The following DSP variants were observed in gnomAD, a reference collection of about 807,000 sequenced individuals.
DSP encodes desmoplakin.
Under a neutral mutation model 290.6 loss-of-function variants are expected in DSP, and 114 were observed. The observed-to-expected ratio is 0.39, with a 90% confidence interval of 0.34 to 0.46. The LOEUF (loss-of-function observed/expected upper bound fraction) is 0.46. Ranked by LOEUF, DSP falls within the 20% of genes least tolerant of loss-of-function variation. DSP has a pLI of 0.99. For missense variants in DSP, 3,230 were observed against 3,495.8 expected (o/e 0.92, Z 1.92); for synonymous variants, 1,311 against 1,316.4 (o/e 1.00, Z 0.09).
chr6:7,559,004 G>A (rs1348780719), intron 3 of DSP, among the ~76,000 whole-genome samples: 1 of 152,068 alleles, frequency 6.6e-6, no homozygotes, highest in Non-Finnish European at 1.5e-5. Flanking sequence ...AGGCAGTGAC[G>A]CTTTCTATGC....
chr6:7,567,587 T>C (rs1352168189), intron 9 of DSP, 138 bp downstream of exon 9: 6 of 1,141,472 alleles, frequency 5.3e-6, no homozygotes, highest in Non-Finnish European at 7.7e-6. Context: ...CAGAGTAGCA[T>C]AGATTTGCAA....
intron 4 of DSP, among the ~76,000 whole-genome samples, chr6:7,562,003 T>C (rs796672734): frequency 6.2e-4 from 95 of 152,332 alleles, no homozygotes; most frequent in African/African-American, 2.0e-3. Context: ...ATTTAATTTT[T>C]TAAAAAAGGT....
chr6:7,580,861 G>A lies in DSP; in HGVS notation c.4671G>A (p.Thr1557=), dbSNP rs367767551. 29 of 1,614,154 alleles carry A rather than the reference G, an allele frequency of 1.8e-5. 1 individual carries two copies. The East Asian group carries it at 4.5e-4, about 25-fold the overall frequency. ...GGACTGTGAAGGACCAGGATATCAC[G>A]CGGTTCCAGAACTCTCTGAAAGAGC... ...QERTVKDQDI[T]RFQNSLKELQ... is the part of the protein sequence containing the mutation. Residue 1557 remains threonine (T), a synonymous_variant, in exon 23 of 24, where the codon ACG becomes ACA. Transcript: ENST00000379802. This position sits in a 1 kb window ranked among gnomAD's most constrained non-coding sequence, Gnocchi z 4.2.
intron 1 of DSP, 72 bp from the exon 2 acceptor site, chr6:7,555,646 T>C (rs2113653618): frequency 1.4e-6 from 2 of 1,460,704 alleles, no homozygotes; most frequent in Non-Finnish European, 1.9e-6. Context: ...TTGCAACTTT[T>C]GCAAGTTTGA....
chr6:7,572,596 G>A (rs951051865), intron 15 of DSP, among the ~76,000 whole-genome samples: 2 of 152,214 alleles, frequency 1.3e-5, no homozygotes, highest in African/African-American at 2.4e-5. Flanking sequence ...GAAAGAAATA[G>A]AAGGTCAACT....
chr6:7,544,016 A>C (rs1203838774), intron 1 of DSP, among the ~76,000 whole-genome samples: 1 of 152,120 alleles, frequency 6.6e-6, no homozygotes, highest in South Asian at 2.1e-4. Context: ...CAAGTCTCAC[A>C]TCTCTCTGGG....
At chr6:7,577,640 TTGGCCACTAG>T (rs1260956576) in intron 20 of DSP, 129 bp from the exon 21 acceptor site, 2 of 775,360 alleles carry the variant, frequency 2.6e-6, no homozygotes, top group Non-Finnish European at 4.6e-6. Flanking sequence ...TATTAGTTGC[TTGGCCACTAG>T]TGGCGCAAAG....
chr6:7,576,167 A>AT (rs1759234085), intron 18 of DSP, 127 bp from the exon 19 acceptor site: 3 of 1,077,204 alleles, frequency 2.8e-6, no homozygotes, highest in South Asian at 3.1e-5. Flanking sequence ...ACATTCATGT[A>AT]TAAGTTTTTA....
At position 7,578,497 on chromosome 6, in the gene DSP, C is replaced by T. The variant is rs1018173692; in HGVS notation, c.3019C>T (p.Leu1007Phe). The change falls in exon 22 of 24, where the codon CTT becomes TTT. Residue 1007 changes from leucine to phenylalanine, a missense_variant. Around this residue, in one of 5 missense-constraint regions of DSP, gnomAD observed 1,714 missense variants for 1,844.5 expected, o/e 0.93. Coordinates refer to ENST00000379802, the MANE Select transcript of DSP (RefSeq NM_004415.4). ...TGTTCATGCTCGGTACATTGAACTA[C>T]TTACAAGATCTGGAGACTATTACAG... ...ADVHARYIELLTRSGDYYRFL... is the reference protein window; with the variant it reads ...ADVHARYIELFTRSGDYYRFL... 6.2e-7 allele frequency: 1 copy of T among 1,613,734 alleles called. No homozygotes were observed. The highest frequency in any genetic ancestry group is 8.5e-7 in the Non-Finnish European group (1 of 1,179,880).
In DSP at chr6:7,582,943, G is replaced by A; in HGVS notation, c.5681G>A (p.Ser1894Asn). Residue 1894 changes from serine (S) to asparagine (N), a missense_variant, in exon 24 of 24, where the codon AGT (serine) becomes AAT (asparagine). By Grantham distance (46) the Ser-to-Asn change is conservative. This residue lies in a region of DSP where 1,714 missense variants were observed against 1,844.5 expected (regional missense o/e 0.93). Transcript: ENST00000379802. The surrounding 1 kb of genome is among the most constrained non-coding windows in gnomAD (Gnocchi z 4.2). ...GAAAAGAGTGAGAGAGAGAAGAACA[G>A]TCTTAGGAGTGAGATCGAAAGACTC... ...EREKSEREKN[S>N]LRSEIERLQA... 6.2e-7 allele frequency: 1 copy of A among 1,614,076 alleles called. No individual in the cohort carries two copies.
chr6:7,555,988 T>C lies in DSP; in HGVS notation c.273+168T>C, dbSNP rs973522124. Reference sequence around the variant, plus strand: ...GAGAGATGTGTGTCTTCTTAACCTATTTGTAATGTTGGTTTAACAATGAGA... The same window carrying C: ...GAGAGATGTGTGTCTTCTTAACCTACTTGTAATGTTGGTTTAACAATGAGA... On this transcript the variant is annotated intron_variant, in intron 2 of 23. Transcript: ENST00000379802. Among the ~76,000 whole-genome samples, 6 of 152,242 alleles carry C rather than the reference T, an allele frequency of 3.9e-5. No individual in the cohort carries two copies. The East Asian group carries it at 7.7e-4, about 20-fold the overall frequency.
chr6:7,547,739 T>C (rs2113640685), intron 1 of DSP, among the ~76,000 whole-genome samples: 1 of 152,256 alleles, frequency 6.6e-6, no homozygotes, highest in East Asian at 1.9e-4. Flanking sequence ...ACCTGGCCTT[T>C]GAATTTTCTT....
chr6:7,562,850 A>C, intron 5 of DSP, 70 bp downstream of exon 5: 1 of 1,601,984 alleles, frequency 6.2e-7, no homozygotes, highest in Non-Finnish European at 8.5e-7. Flanking sequence ...ACTCAATCCC[A>C]GGGAGTTTCT....
rs36122115 is a variant in DSP, at chr6:7,558,539, G to A, written c.422+275G>A. On this transcript the variant is annotated intron_variant, in intron 3 of 23. Coordinates refer to ENST00000379802, the MANE Select transcript of DSP (RefSeq NM_004415.4). ...TTTTTTTTTTTTTTTTTTTGAGACA[G>A]GGTCTCGCTCTGTCACCCAGGCTGG... Among the ~76,000 whole-genome samples, 15,673 of 137,808 alleles carry A rather than the reference G, an allele frequency of 0.11. 1,102 individuals carry two copies. The highest frequency in any genetic ancestry group is 0.16 in the Non-Finnish European group (10,161 of 65,276). The allele number at this position is 137,808 out of a possible 152,430, so 90.4% of individuals were successfully genotyped here. A position where few individuals can be genotyped will look rare whatever the true frequency, so the allele number is the denominator to read the frequency against.
Position 7,562,749 on chromosome 6 carries a change from G to T in DSP, c.695G>T (p.Arg232Leu). 6.2e-7 allele frequency: 1 copy of T among 1,614,090 alleles called. No homozygotes were observed. Among genetic ancestry groups the T allele is most frequent in the Non-Finnish European group, 8.5e-7 (1 of 1,179,984 alleles). ...RGIHNSIGDYRWQLDKIKADL... is the reference protein window; with the variant it reads ...RGIHNSIGDYLWQLDKIKADL... ...ATCCACAACTCCATCGGCGACTATC[G>T]CTGGCAGCTGGACAAAATCAAAGCC... Residue 232 changes from arginine to leucine, a missense_variant, in exon 5 of 24, where the codon CGC (arginine) becomes CTC (leucine). Transcript: ENST00000379802.
intron 2 of DSP, 79 bp from the exon 3 acceptor site, chr6:7,558,037 G>A (rs967526720): frequency 1.9e-5 from 30 of 1,540,798 alleles, no homozygotes; most frequent in Non-Finnish European, 2.6e-5. Context: ...TACAGTGGAA[G>A]CTCTTGCTTC....
chr6:7,585,022 A>G lies in DSP; in HGVS notation c.7760A>G (p.His2587Arg), dbSNP rs752665939. Residue 2587 changes from histidine to arginine, a missense_variant, in exon 24 of 24, where the codon CAT becomes CGT. This residue lies in a region of DSP where 582 missense variants were observed against 555.4 expected (regional missense o/e 1.05). Transcript: ENST00000379802. ...VSDDVFSSSR[H>R]ESVSKISTIS... ...GATGATGTTTTTAGCAGCTCCCGAC[A>G]TGAATCAGTAAGTAAGATTTCCACC... 3 of 1,614,226 alleles carry G rather than the reference A, an allele frequency of 1.9e-6. No homozygotes were observed. The highest frequency in any genetic ancestry group is 8.5e-7 in the Non-Finnish European group (1 of 1,180,040).
At chr6:7,581,850 G>T (rs1035421871) in intron 23 of DSP, among the ~76,000 whole-genome samples, 1 of 152,190 alleles carries the variant, frequency 6.6e-6, no homozygotes, top group Non-Finnish European at 1.5e-5. Context: ...AACTTCCTCC[G>T]AATGTTCCAT....
chr6:7,560,211 T>C (rs1348179428), intron 4 of DSP, among the ~76,000 whole-genome samples: 1 of 152,224 alleles, frequency 6.6e-6, no homozygotes, highest in Non-Finnish European at 1.5e-5. Context: ...TTATGCAATT[T>C]AGATGTGGTT....
Sources: gnomAD v4.1 joint callset for allele counts (sites outside exome capture counted in the v4.1 genomes callset) on GRCh38, gnomAD v4.1.1 for gene constraint, gnomAD v4.1.1 regional missense constraint, Gnocchi (gnomAD v3.1) non-coding constraint, MANE v1.5 for transcripts, NCBI Gene and HGNC (gene_info 2026-07-23, HGNC 2026-07-21) for gene names.